RCAN1: variants seen among roughly 807,000 people sequenced by gnomAD.
RCAN1 encodes the protein calcipressin-1.
A neutral mutation model predicts 22.9 loss-of-function variants in RCAN1; 11 were observed. The observed-to-expected ratio is 0.48, with a 90% CI of 0.30 to 0.79. The LOEUF (loss-of-function observed/expected upper bound fraction) is 0.79. RCAN1 is among the 30% of genes least tolerant of loss of function. The probability of loss-of-function intolerance (pLI) is 0.06; values close to 1 mark genes in which losing one functional copy is unlikely to be tolerated. For synonymous variants in RCAN1, 136 were observed against 142.3 expected (o/e 0.96, Z 0.32); for missense variants, 291 against 337.8 (o/e 0.86, Z 1.09).
intron 1 of RCAN1, among the ~76,000 whole-genome samples, chr21:34,555,785 G>A (rs769608148): frequency 4.6e-5 from 7 of 151,112 alleles, no homozygotes; most frequent in South Asian, 2.1e-4. Flanking sequence ...AAGGCAGGCC[G>A]GGCACCGTGG....
chr21:34,582,012 G>A (rs941454919), intron 1 of RCAN1, among the ~76,000 whole-genome samples: 4 of 152,074 alleles, frequency 2.6e-5, no homozygotes, highest in Non-Finnish European at 5.9e-5. Flanking sequence ...CATCATCCAA[G>A]GCAAGGTGTA....
At chr21:34,608,782 G>C (rs188868363) in intron 1 of RCAN1, among the ~76,000 whole-genome samples, 1 of 152,112 alleles carries the variant, frequency 6.6e-6, no homozygotes. Flanking sequence ...ACTCTGACAG[G>C]CATTTTATGT....
intron 1 of RCAN1, chr21:34,613,744 A>G: frequency 6.8e-7 from 1 of 1,475,270 alleles, no homozygotes; most frequent in African/African-American, 1.4e-5. Context: ...AATTCCTTTC[A>G]GAAAGTAAGT....
In RCAN1 at chr21:34,523,571, A is replaced by T. The variant is rs1214393666; in HGVS notation, c.392T>A (p.Phe131Tyr). ...DARLQLHKTEFLGKEMKLYFA... is the reference protein window; with the variant it reads ...DARLQLHKTEYLGKEMKLYFA... ...ATATAACTTCATTTCCTTTCCCAGA[A>T]ACTCAGTCTTATGCAGCTGGAGCCT... The change falls in exon 2 of 4, where the codon TTT becomes TAT. Residue 131 changes from phenylalanine (F) to tyrosine (Y), a missense_variant. Physicochemically the swap from Phe to Tyr is conservative, Grantham distance 22. Coordinates refer to ENST00000313806, the MANE Select transcript of RCAN1 (RefSeq NM_004414.7). 1 of 1,614,048 alleles carries T rather than the reference A, an allele frequency of 6.2e-7. No individual in the cohort carries two copies. The highest frequency in any genetic ancestry group is 1.7e-5 in the Admixed American group (1 of 59,994).
At chr21:34,556,579 A>G (rs1450260934) in intron 1 of RCAN1, among the ~76,000 whole-genome samples, 1 of 152,142 alleles carries the variant, frequency 6.6e-6, no homozygotes, top group African/African-American at 2.4e-5. Flanking sequence ...ATTTTTAATG[A>G]TTTTTCAAGT....
chr21:34,559,236 T>C (rs1047427595), intron 1 of RCAN1: 10 of 151,968 alleles, frequency 6.6e-5, no homozygotes, highest in African/African-American at 2.4e-4. Context: ...ACAAATTGAG[T>C]AGTGTTGGGA....
At chr21:34,529,011 T>C (rs985358304) in intron 1 of RCAN1, among the ~76,000 whole-genome samples, 2 of 152,086 alleles carry the variant, frequency 1.3e-5, no homozygotes, top group Non-Finnish European at 2.9e-5. Flanking sequence ...TCTTTGCTCA[T>C]AGAAATGATA....
intron 1 of RCAN1, among the ~76,000 whole-genome samples, chr21:34,604,467 G>T (rs181160732): frequency 6.6e-6 from 1 of 152,116 alleles, no homozygotes; most frequent in African/African-American, 2.4e-5. Context: ...TGACACAGGG[G>T]TCATCTCAGA....
chr21:34,536,830 C>T (rs770150719), intron 1 of RCAN1, among the ~76,000 whole-genome samples: 6 of 152,190 alleles, frequency 3.9e-5, no homozygotes, highest in Admixed American at 3.3e-4. Context: ...TTTGTATCCA[C>T]ACCCAGTTTC....
At chr21:34,552,957 T>C (rs1462142363) in intron 1 of RCAN1, among the ~76,000 whole-genome samples, 1 of 152,194 alleles carries the variant, frequency 6.6e-6, no homozygotes. Context: ...TTCTCTTTAA[T>C]AGGATGATAG....
chr21:34,609,287 T>C (rs1988622538), intron 1 of RCAN1, among the ~76,000 whole-genome samples: 1 of 152,216 alleles, frequency 6.6e-6, no homozygotes, highest in Non-Finnish European at 1.5e-5. Context: ...GTGATTAGTA[T>C]TTACAAAGGA....
chr21:34,573,934 T>C (rs1987321388), intron 1 of RCAN1, among the ~76,000 whole-genome samples: 1 of 152,026 alleles, frequency 6.6e-6, no homozygotes, highest in South Asian at 2.1e-4. Context: ...AGGAGGAAAA[T>C]ATAAGACATA....
chr21:34,575,678 G>A lies in RCAN1; in HGVS notation c.252+39082C>T, dbSNP rs115813252. ...ACTGGGGTTACAGGTGTGTGCCACCGTGCCAGGTGAAAGTGTTTTTCAAAA... is the reference window on the plus strand; with the variant it reads ...ACTGGGGTTACAGGTGTGTGCCACCATGCCAGGTGAAAGTGTTTTTCAAAA... On this transcript the variant is annotated intron_variant, in intron 1 of 3. Transcript: ENST00000313806. Among the ~76,000 whole-genome samples, 1,290 of 152,204 alleles carry A rather than the reference G, an allele frequency of 8.5e-3. 21 individuals are homozygous for A. The highest frequency in any genetic ancestry group is 0.03 in the African/African-American group (1,235 of 41,516).
rs994079732 is a variant in RCAN1 at position 34,517,053 on chromosome 21, C to T, written c.*1031G>A. ...TTAATACATCTTAGTCTCCCACTGC[C>T]ATACTTTTCACCCAAGTGTACAACA... On this transcript the variant is annotated 3_prime_UTR_variant, in exon 4 of 4. Transcript: ENST00000313806. 6.6e-6 allele frequency: 1 copy of T among 152,474 alleles called. No individual in the cohort carries two copies. The highest frequency in any genetic ancestry group is 6.5e-5 in the Admixed American group (1 of 15,284). 9.4% of individuals were successfully genotyped at this position (152,474 alleles called of 1,614,324 possible).
At chr21:34,609,149 T>C (rs1236260125) in intron 1 of RCAN1, among the ~76,000 whole-genome samples, 1 of 152,266 alleles carries the variant, frequency 6.6e-6, no homozygotes, top group Non-Finnish European at 1.5e-5. Context: ...GGTTACACTT[T>C]GAAAATGTTT....
chr21:34,613,838 T>C, intron 1 of RCAN1: 2 of 1,475,912 alleles, frequency 1.4e-6, no homozygotes, highest in Non-Finnish European at 1.8e-6. Context: ...CCTTCAACTA[T>C]AGTTCATTGA....
chr21:34,521,701 G>T (rs1308334601), intron 2 of RCAN1, 43 bp from the exon 3 acceptor site: 15 of 1,532,908 alleles, frequency 9.8e-6, no homozygotes, highest in Non-Finnish European at 1.3e-5. Context: ...TGCCAGGGAA[G>T]AACTGCAGTG....
In RCAN1 at chr21:34,614,592, G is replaced by C. The variant is rs531385004; in HGVS notation, c.252+168C>G. ...GCTAGGGGACCGGGACCCTCGGGGC[G>C]CCGTCCCCACGCCCCAGCCCTGACG... On this transcript the variant is annotated intron_variant, in intron 1 of 3. Transcript: ENST00000313806. The surrounding 1 kb of genome is among the most constrained non-coding windows in gnomAD (Gnocchi z 6.0). The C allele has an allele frequency of 1.0e-6, 1 of 1,000,398 alleles. No individual in the cohort carries two copies. Among genetic ancestry groups the C allele is most frequent in the East Asian group, 5.4e-5 (1 of 18,542 alleles). 62.0% of individuals were successfully genotyped at this position (1,000,398 alleles called of 1,614,324 possible).
intron 1 of RCAN1, among the ~76,000 whole-genome samples, chr21:34,572,363 C>G (rs1987264047): frequency 6.6e-6 from 1 of 152,108 alleles, no homozygotes. Context: ...CATGTGCCCT[C>G]TTTCTGGCTC....
Sources: allele counts gnomAD v4.1 joint callset (sites outside exome capture counted in the v4.1 genomes callset), GRCh38; gene constraint gnomAD v4.1.1; non-coding constraint Gnocchi (gnomAD v3.1); transcripts MANE v1.5; gene names NCBI Gene and HGNC (gene_info 2026-07-23, HGNC 2026-07-21).